Variants in C1QTNF3 observed in about 807,000 individuals in gnomAD.
C1QTNF3 encodes the protein complement C1q tumor necrosis factor-related protein 3.
C1QTNF3 carries 26 observed loss-of-function variants against 32.6 expected under a neutral mutation model. That is an observed-to-expected ratio of 0.80 (90% CI 0.58 to 1.11). The LOEUF (loss-of-function observed/expected upper bound fraction) is 1.11. C1QTNF3 is among the 50% of genes least tolerant of loss of function. The probability of loss-of-function intolerance (pLI) is 0.00; values close to 1 mark genes in which losing one functional copy is unlikely to be tolerated. For synonymous variants in C1QTNF3, 155 were observed against 146.0 expected, an observed-to-expected ratio of 1.06 and a Z score of -0.44; for missense variants, 362 against 398.2, an observed-to-expected ratio of 0.91 and a Z score of 0.77.
chr5:34,240,919 T>C, the C1QTNF3 span, among the ~76,000 whole-genome samples: 207 of 152,224 alleles, frequency 1.4e-3, 1 homozygote, highest in Middle Eastern at 0.02. Context: ...AAAATTAATC[T>C]ACTATGACAA....
chr5:34,103,672 A>C, the C1QTNF3 span, among the ~76,000 whole-genome samples: 1 of 129,412 alleles, frequency 7.7e-6, no homozygotes, highest in South Asian at 2.6e-4. Flanking sequence ...ACAAAACTAA[A>C]CTAGCCGGGT....
chr5:34,162,604 G>A, the C1QTNF3 span, among the ~76,000 whole-genome samples: 1 of 152,136 alleles, frequency 6.6e-6, no homozygotes, highest in East Asian at 1.9e-4. Context: ...TTCCTCTATT[G>A]TTTTTATATG....
At chr5:34,029,583 G>T (rs1754560763) in intron 3 of C1QTNF3, among the ~76,000 whole-genome samples, 1 of 152,190 alleles carries the variant, frequency 6.6e-6, no homozygotes, top group Non-Finnish European at 1.5e-5. Context: ...ATTATTATCT[G>T]ATACCAGCCT....
At chr5:34,060,126 A>G in the C1QTNF3 span, among the ~76,000 whole-genome samples, 1 of 152,264 alleles carries the variant, frequency 6.6e-6, no homozygotes, top group African/African-American at 2.4e-5. Flanking sequence ...TCATGCAAAT[A>G]CTTCCTAATG....
At chr5:34,139,841 A>G in the C1QTNF3 span, among the ~76,000 whole-genome samples, 1 of 152,306 alleles carries the variant, frequency 6.6e-6, no homozygotes, top group South Asian at 2.1e-4. Flanking sequence ...AAATGAAAAG[A>G]ATATGTTTAT....
At chr5:34,034,334 A>T (rs1754685558) in intron 2 of C1QTNF3, among the ~76,000 whole-genome samples, 1 of 152,222 alleles carries the variant, frequency 6.6e-6, no homozygotes, top group African/African-American at 2.4e-5. Context: ...TTTTCATGTC[A>T]TTCTGTATAT....
At chr5:34,046,274 A>G (rs1333012915), upstream of C1QTNF3, among the ~76,000 whole-genome samples, 3 of 152,120 alleles carry the variant, frequency 2.0e-5, no homozygotes, top group Non-Finnish European at 4.4e-5. Flanking sequence ...TCTGGTTTAG[A>G]CTCATGCCTG....
At chr5:34,041,718 C>T (rs529537660) in intron 1 of C1QTNF3, among the ~76,000 whole-genome samples, 1 of 152,006 alleles carries the variant, frequency 6.6e-6, no homozygotes, top group East Asian at 1.9e-4. Context: ...CTGGATGCAT[C>T]CCCCACAGAA....
intron 1 of C1QTNF3, among the ~76,000 whole-genome samples, chr5:34,040,280 T>A (rs138419221): frequency 6.6e-6 from 1 of 152,216 alleles, no homozygotes; most frequent in African/African-American, 2.4e-5. Context: ...CTCTAAGAAA[T>A]GCTCCATCAA....
At chr5:34,161,168 T>C in the C1QTNF3 span, among the ~76,000 whole-genome samples, 1 of 152,164 alleles carries the variant, frequency 6.6e-6, no homozygotes, top group Non-Finnish European at 1.5e-5. Flanking sequence ...TGAATATGGC[T>C]CTCGCATTAA....
chr5:34,138,844 A>T, the C1QTNF3 span, among the ~76,000 whole-genome samples: 1 of 152,106 alleles, frequency 6.6e-6, no homozygotes, highest in Admixed American at 6.6e-5. Flanking sequence ...CACAAGCATC[A>T]TTGTTTTAAG....
the C1QTNF3 span, among the ~76,000 whole-genome samples, chr5:34,092,794 T>C: frequency 5.9e-5 from 9 of 151,926 alleles, no homozygotes; most frequent in African/African-American, 2.2e-4. Flanking sequence ...CCAGGTCCCA[T>C]TTACTTTCAT....
chr5:34,066,217 T>G, the C1QTNF3 span, among the ~76,000 whole-genome samples: 2 of 152,154 alleles, frequency 1.3e-5, no homozygotes, highest in East Asian at 3.9e-4. Context: ...GGAGACTGCC[T>G]TTTGCTGGTG....
chr5:34,178,460 C>T, the C1QTNF3 span, among the ~76,000 whole-genome samples: 8 of 90,834 alleles, frequency 8.8e-5, no homozygotes, highest in Non-Finnish European at 1.9e-4. Context: ...TGTGTGTCAA[C>T]TCCAACCCTG....
chr5:34,051,739 C>G, the C1QTNF3 span, among the ~76,000 whole-genome samples: 2 of 152,222 alleles, frequency 1.3e-5, no homozygotes, highest in Admixed American at 1.3e-4. Flanking sequence ...AACAATGCCA[C>G]GTCCTAGACA....
chr5:34,071,388 TCAAA>T, the C1QTNF3 span, among the ~76,000 whole-genome samples: 1 of 152,288 alleles, frequency 6.6e-6, no homozygotes, highest in Admixed American at 6.5e-5. Context: ...AATTAATATA[TCAAA>T]CAAATTAATA....
chr5:34,117,783 A>T, the C1QTNF3 span, among the ~76,000 whole-genome samples: 2 of 144,526 alleles, frequency 1.4e-5, no homozygotes, highest in Non-Finnish European at 3.1e-5. Flanking sequence ...AATAAAAATT[A>T]AAAAAAAAAA....
chr5:34,207,634 T>TAA, the C1QTNF3 span, among the ~76,000 whole-genome samples: 182 of 152,232 alleles, frequency 1.2e-3, 1 homozygote, highest in Non-Finnish European at 1.9e-3. Context: ...TATAGCTTTA[T>TAA]ATGTTGTGTT....
At chr5:34,131,291 C>G in the C1QTNF3 span, among the ~76,000 whole-genome samples, 3 of 151,574 alleles carry the variant, frequency 2.0e-5, no homozygotes, top group East Asian at 5.8e-4. Flanking sequence ...TAGTGTGTGA[C>G]AGATATGTCT....
Sources: gnomAD v4.1 joint callset for allele counts (sites outside exome capture counted in the v4.1 genomes callset) on GRCh38, gnomAD v4.1.1 for gene constraint, MANE v1.5 for transcripts, NCBI Gene and HGNC (gene_info 2026-07-23, HGNC 2026-07-21) for gene names.